ARHGEF26: variants seen among roughly 807,000 people sequenced by gnomAD.
ARHGEF26 encodes the protein Rho guanine nucleotide exchange factor 26.
In ARHGEF26, 59 loss-of-function variants were observed where a neutral mutation model predicts 89.4. The observed-to-expected ratio is 0.66, with a 90% CI of 0.54 to 0.82. The LOEUF is 0.82. ARHGEF26 is among the 40% of genes least tolerant of loss of function. The pLI, the probability that ARHGEF26 is intolerant of heterozygous loss-of-function variation, is 0.00. For synonymous variants in ARHGEF26, 500 were observed against 428.4 expected, an observed-to-expected ratio of 1.17 and a Z score of -2.06; for missense variants, 1,234 against 1,085.6, an observed-to-expected ratio of 1.14 and a Z score of -1.92.
At chr3:154,224,049 C>T (rs1291905287) in intron 10 of ARHGEF26, among the ~76,000 whole-genome samples, 1 of 151,954 alleles carries the variant, frequency 6.6e-6, no homozygotes, top group African/African-American at 2.4e-5. Context: ...TATTTCAGTA[C>T]TATTTAGGAT....
At chr3:154,221,858 C>G (rs1022282522) in intron 10 of ARHGEF26, among the ~76,000 whole-genome samples, 2 of 152,102 alleles carry the variant, frequency 1.3e-5, no homozygotes, top group East Asian at 3.8e-4. Flanking sequence ...CCCACTCACT[C>G]AGATAGGAAA....
intron 3 of ARHGEF26, among the ~76,000 whole-genome samples, chr3:154,129,210 A>G (rs150822669): frequency 6.9e-4 from 105 of 152,300 alleles, no homozygotes; most frequent in African/African-American, 2.5e-3. Context: ...TACACAATAA[A>G]TGTTTATTAA....
Position 154,135,837 on chromosome 3 carries a change from A to G in ARHGEF26, c.1269+6118A>G, listed in dbSNP as rs142565825. ...TTTCTTTTAGATAGATTTTGACTAGAGTTTTTGCTTTTCACTGTAAGTACC... is the reference window on the plus strand; with the variant it reads ...TTTCTTTTAGATAGATTTTGACTAGGGTTTTTGCTTTTCACTGTAAGTACC... On this transcript the variant is annotated intron_variant, in intron 4 of 14. Coordinates refer to ENST00000465093, the MANE Select transcript of ARHGEF26 (RefSeq NM_015595.4). Among the ~76,000 whole-genome samples, 231 of 152,210 alleles carry G rather than the reference A, an allele frequency of 1.5e-3. 1 individual carries two copies. The highest frequency in any genetic ancestry group is 6.8e-3 in the Middle Eastern group (2 of 294).
At position 154,159,032 on chromosome 3, in the gene ARHGEF26, C is replaced by T. The variant is rs138618524; in HGVS notation, c.1487+6100C>T. On this transcript the variant is annotated intron_variant, in intron 6 of 14. Transcript: ENST00000465093. Reference sequence around the variant, plus strand: ...TGTAGAAGACTGAATGTTAACCCTTCTCCCATATTTAGAAACTCTAAGGTC... The same window carrying T: ...TGTAGAAGACTGAATGTTAACCCTTTTCCCATATTTAGAAACTCTAAGGTC... Among the ~76,000 whole-genome samples the T allele has an allele frequency of 4.3e-3, 658 of 152,182 alleles. 4 individuals are homozygous for T. Among genetic ancestry groups the T allele is most frequent in the African/African-American group, 0.015 (631 of 41,544 alleles).
intron 4 of ARHGEF26, among the ~76,000 whole-genome samples, chr3:154,134,260 A>G (rs1470163345): frequency 6.6e-6 from 1 of 152,020 alleles, no homozygotes; most frequent in Non-Finnish European, 1.5e-5. Flanking sequence ...GTCCGTTTTC[A>G]TGCTGCTGAT....
chr3:154,226,227 T>C (rs564413302), intron 11 of ARHGEF26, among the ~76,000 whole-genome samples: 1 of 152,360 alleles, frequency 6.6e-6, no homozygotes, highest in African/African-American at 2.4e-5. Context: ...CAACCTCTAT[T>C]GAGCCACTGT....
rs1718928683 is a variant in ARHGEF26 at position 154,135,207 on chromosome 3, G to GCTT, written c.1269+5488_1269+5489insCTT. On this transcript the variant is annotated intron_variant, in intron 4 of 14. Coordinates refer to ENST00000465093, the MANE Select transcript of ARHGEF26 (RefSeq NM_015595.4). ...TTTAGCTATGAATCTGCTTGGTCCT[G>GCTT]GGCTTTTCTTGGCTGGTAGGCTATT... 2.0e-5 allele frequency among the ~76,000 whole-genome samples: 3 copies of GCTT among 152,142 alleles called. No homozygotes were observed. In the South Asian group the frequency reaches 6.2e-4, roughly 32 times the overall value.
chr3:154,249,056 A>G (rs1717960333), intron 12 of ARHGEF26, among the ~76,000 whole-genome samples: 1 of 152,238 alleles, frequency 6.6e-6, no homozygotes, highest in Non-Finnish European at 1.5e-5. Context: ...AGGCTGTAAA[A>G]AGAAACACAA....
At chr3:154,241,443 T>G (rs188802334) in intron 12 of ARHGEF26, among the ~76,000 whole-genome samples, 68 of 152,306 alleles carry the variant, frequency 4.5e-4, no homozygotes, top group Non-Finnish European at 8.4e-4. Context: ...CCTAAAATTG[T>G]AGCAAGATCT....
intron 9 of ARHGEF26, among the ~76,000 whole-genome samples, chr3:154,198,568 G>A (rs1714427767): frequency 6.6e-6 from 1 of 152,074 alleles, no homozygotes; most frequent in Non-Finnish European, 1.5e-5. Flanking sequence ...CAAAATAATG[G>A]CATTTGCAGC....
intron 1 of ARHGEF26, 104 bp from the exon 2 acceptor site, chr3:154,121,838 T>C (rs569589770): frequency 5.1e-5 from 53 of 1,034,274 alleles, no homozygotes; most frequent in Non-Finnish European, 6.9e-5. Context: ...GGTGCAGTCG[T>C]GTCCTGCGCA....
chr3:154,175,516 C>A (rs987275415), intron 6 of ARHGEF26, among the ~76,000 whole-genome samples: 3 of 152,024 alleles, frequency 2.0e-5, no homozygotes, highest in Non-Finnish European at 4.4e-5. Flanking sequence ...TTTCAAAAAT[C>A]TTGAGTCCTT....
intron 11 of ARHGEF26, among the ~76,000 whole-genome samples, chr3:154,234,499 G>A (rs1716992729): frequency 6.6e-6 from 1 of 152,056 alleles, no homozygotes; most frequent in Admixed American, 6.5e-5. Flanking sequence ...TTGGGTCCAA[G>A]GAAATATCCT....
intron 4 of ARHGEF26, among the ~76,000 whole-genome samples, chr3:154,144,143 A>C (rs1196639745): frequency 3.3e-5 from 5 of 152,192 alleles, no homozygotes; most frequent in Non-Finnish European, 5.9e-5. Context: ...AGGGGGAGCA[A>C]CTTAATTTAG....
intron 9 of ARHGEF26, among the ~76,000 whole-genome samples, chr3:154,216,111 T>A (rs1715710771): frequency 6.6e-6 from 1 of 152,140 alleles, no homozygotes; most frequent in Non-Finnish European, 1.5e-5. Flanking sequence ...TTTTATTTAC[T>A]TCTATATTAT....
At chr3:154,170,249 C>T (rs912756351) in intron 6 of ARHGEF26, among the ~76,000 whole-genome samples, 2 of 152,022 alleles carry the variant, frequency 1.3e-5, no homozygotes, top group African/African-American at 4.8e-5. Flanking sequence ...GTAGTCCCAG[C>T]TACTCAGGAG....
At chr3:154,221,016 A>T (rs549638148) in intron 10 of ARHGEF26, among the ~76,000 whole-genome samples, 1 of 152,262 alleles carries the variant, frequency 6.6e-6, no homozygotes, top group Admixed American at 6.5e-5. Context: ...TTGCCAGCAA[A>T]CTACCAGAAG....
chr3:154,237,870 GACTAACAGGTTTTTTA>G (rs1717217384), intron 11 of ARHGEF26, among the ~76,000 whole-genome samples: 1 of 152,140 alleles, frequency 6.6e-6, no homozygotes, highest in South Asian at 2.1e-4. Context: ...AGGTGCCTTT[GACTAACAGGTTTTTTA>G]ACTTGTAAAT....
At chr3:154,124,915 C>G (rs1042067010) in intron 3 of ARHGEF26, among the ~76,000 whole-genome samples, 2 of 152,006 alleles carry the variant, frequency 1.3e-5, no homozygotes, top group Non-Finnish European at 2.9e-5. Context: ...CTCTAACTCT[C>G]CTGGCTGACA....
Sources: allele counts gnomAD v4.1 joint callset (sites outside exome capture counted in the v4.1 genomes callset), GRCh38; gene constraint gnomAD v4.1.1; transcripts MANE v1.5; gene names NCBI Gene and HGNC (gene_info 2026-07-23, HGNC 2026-07-21).